Variants in PCDH9 observed in about 807,000 individuals in gnomAD.
PCDH9 encodes the protein protocadherin-9.
In PCDH9, 24 loss-of-function variants were observed where a neutral mutation model predicts 70.6. That is an observed-to-expected ratio of 0.34 (90% CI 0.25 to 0.48). The LOEUF (loss-of-function observed/expected upper bound fraction) is 0.48, where lower values mean the gene tolerates loss of function less well. Ranked by LOEUF, PCDH9 falls within the 20% of genes least tolerant of loss-of-function variation. PCDH9 has a pLI of 0.99. For missense variants in PCDH9, 1,281 were observed against 1,503.6 expected (o/e 0.85, Z 2.45); for synonymous variants, 562 against 558.5 (o/e 1.01, Z -0.09).
chr13:67,018,602 A>G (rs1401441797), intron 2 of PCDH9, among the ~76,000 whole-genome samples: 1 of 143,594 alleles, frequency 7.0e-6, no homozygotes, highest in Admixed American at 7.3e-5. Flanking sequence ...CTGGCAACAG[A>G]GCGAGACTCG....
rs376915342 is a variant in PCDH9 at position 67,165,306 on chromosome 13, T to TTTG, written c.3036+60098_3036+60099insCAA. ...AAATGAGATCATACTATAATTGTTG[T>TTTG]TTATCTGATTTTAAACATTTATCCA... is the stretch of plus-strand genomic sequence containing the variant. On this transcript the variant is annotated intron_variant, in intron 2 of 4. Coordinates refer to ENST00000377865, the MANE Select transcript of PCDH9 (RefSeq NM_203487.3). Among the ~76,000 whole-genome samples, 1,072 of 152,244 alleles carry TTTG rather than the reference T, an allele frequency of 7.0e-3. 13 individuals carry two copies. The highest frequency in any genetic ancestry group is 0.024 in the African/African-American group (1,018 of 41,554).
chr13:66,385,675 T>G (rs1956916046), intron 4 of PCDH9, among the ~76,000 whole-genome samples: 2 of 152,334 alleles, frequency 1.3e-5, no homozygotes, highest in African/African-American at 4.8e-5. Context: ...TAATTTAAAT[T>G]TATAGCTGTG....
At chr13:66,620,319 A>T (rs2077406041) in intron 4 of PCDH9, among the ~76,000 whole-genome samples, 1 of 152,200 alleles carries the variant, frequency 6.6e-6, no homozygotes, top group East Asian at 1.9e-4. Flanking sequence ...ATATTTTCAG[A>T]TATTAGTAGG....
chr13:66,983,093 T>C (rs556072405), intron 2 of PCDH9, among the ~76,000 whole-genome samples: 4 of 152,286 alleles, frequency 2.6e-5, no homozygotes, highest in African/African-American at 7.2e-5. Context: ...AGGAATCAAA[T>C]AGAAGAATAG....
intron 2 of PCDH9, among the ~76,000 whole-genome samples, chr13:67,099,312 A>G (rs1434170881): frequency 6.6e-6 from 1 of 152,246 alleles, no homozygotes; most frequent in African/African-American, 2.4e-5. Flanking sequence ...CTATTTGTCA[A>G]ATAATTAACG....
At chr13:66,939,247 A>G (rs2082967681) in intron 2 of PCDH9, among the ~76,000 whole-genome samples, 1 of 152,198 alleles carries the variant, frequency 6.6e-6, no homozygotes, top group Non-Finnish European at 1.5e-5. Context: ...TATTGTATTA[A>G]TGAAGAATCA....
Position 66,696,724 on chromosome 13 carries a change from C to A in PCDH9, c.3139-65313G>T, listed in dbSNP as rs534509506. ...ACCACTAATTTGTACACCAGATGATCCAATGGGAGCTGGCATTTCCAACAC... is the reference window on the plus strand; with the variant it reads ...ACCACTAATTTGTACACCAGATGATACAATGGGAGCTGGCATTTCCAACAC... On this transcript the variant is annotated intron_variant, in intron 3 of 4. Transcript: ENST00000377865. 2.0e-5 allele frequency among the ~76,000 whole-genome samples: 3 copies of A among 151,818 alleles called. No homozygotes were observed. In the South Asian group the frequency reaches 6.2e-4, roughly 32 times the overall value.
chr13:66,977,007 C>T (rs866423928), intron 2 of PCDH9, among the ~76,000 whole-genome samples: 30 of 152,086 alleles, frequency 2.0e-4, no homozygotes, highest in African/African-American at 7.2e-4. Context: ...CTCTGCACCC[C>T]AGTGATCCAA....
intron 3 of PCDH9, among the ~76,000 whole-genome samples, chr13:66,813,726 ATTG>A (rs1452725463): frequency 2.0e-5 from 3 of 152,112 alleles, no homozygotes; most frequent in Admixed American, 6.5e-5. Context: ...GTTAACCATT[ATTG>A]TCAACCATGC....
intron 4 of PCDH9, among the ~76,000 whole-genome samples, chr13:66,327,860 T>C (rs1323477590): frequency 6.6e-6 from 1 of 152,124 alleles, no homozygotes; most frequent in Admixed American, 6.5e-5. Context: ...TTATACTGTA[T>C]CTCCCCAGCT....
chr13:66,746,192 A>G (rs573800191), intron 3 of PCDH9, among the ~76,000 whole-genome samples: 1 of 152,304 alleles, frequency 6.6e-6, no homozygotes, highest in East Asian at 1.9e-4. Flanking sequence ...GCTTCCTTTC[A>G]GTGCCTTTTA....
At chr13:66,892,780 T>C (rs2082116926) in intron 3 of PCDH9, among the ~76,000 whole-genome samples, 1 of 152,090 alleles carries the variant, frequency 6.6e-6, no homozygotes, top group Non-Finnish European at 1.5e-5. Flanking sequence ...TTGAAGATTA[T>C]ATCTAAAATA....
chr13:66,377,017 C>T (rs1394978453), intron 4 of PCDH9, among the ~76,000 whole-genome samples: 2 of 151,958 alleles, frequency 1.3e-5, no homozygotes, highest in East Asian at 1.9e-4. Context: ...CACTAGAAAC[C>T]GGCTTAACCA....
chr13:66,556,001 T>C lies in PCDH9; in HGVS notation c.3340+75209A>G, dbSNP rs1258843870. ...AAATAAATATGCTGAAAAGTGTCTT[T>C]ATTTCTACTGAAAGACAGAGAACAC... On this transcript the variant is annotated intron_variant, in intron 4 of 4. Transcript: ENST00000377865. 2.7e-5 allele frequency among the ~76,000 whole-genome samples: 4 copies of C among 148,728 alleles called. No homozygotes were observed. The East Asian group carries it at 7.8e-4, about 29-fold the overall frequency.
chr13:67,126,344 T>C (rs944529952), intron 2 of PCDH9, among the ~76,000 whole-genome samples: 15 of 152,142 alleles, frequency 9.9e-5, no homozygotes, highest in African/African-American at 2.9e-4. Flanking sequence ...TAAAAACATA[T>C]GGTTTTTTTA....
At chr13:66,507,251 A>G (rs1016493370) in intron 4 of PCDH9, among the ~76,000 whole-genome samples, 4 of 152,184 alleles carry the variant, frequency 2.6e-5, no homozygotes, top group African/African-American at 7.2e-5. Context: ...ATATTCATTC[A>G]CGGGCTGCAT....
intron 4 of PCDH9, among the ~76,000 whole-genome samples, chr13:66,311,127 CT>C (rs1955551997): frequency 6.6e-6 from 1 of 152,056 alleles, no homozygotes; most frequent in Admixed American, 6.6e-5. Flanking sequence ...AACTTTTACT[CT>C]GTAATTTTGC....
At chr13:67,161,902 T>C (rs1045353521) in intron 2 of PCDH9, among the ~76,000 whole-genome samples, 4 of 152,222 alleles carry the variant, frequency 2.6e-5, no homozygotes, top group Non-Finnish European at 4.4e-5. Context: ...TTCAGCCTTC[T>C]TCCAACTTAC....
intron 3 of PCDH9, among the ~76,000 whole-genome samples, chr13:66,852,329 A>T (rs1034548561): frequency 1.3e-5 from 2 of 151,982 alleles, no homozygotes; most frequent in Admixed American, 6.6e-5. Context: ...TTAGACAAAG[A>T]CTCATTAATC....
Sources: gnomAD v4.1 joint callset for allele counts (sites outside exome capture counted in the v4.1 genomes callset) on GRCh38, gnomAD v4.1.1 for gene constraint, MANE v1.5 for transcripts, NCBI Gene and HGNC (gene_info 2026-07-23, HGNC 2026-07-21) for gene names.